The following KIAA0513 variants were observed in gnomAD, a reference collection of about 807,000 sequenced individuals.
The protein encoded by KIAA0513 is KIAA0513.
A neutral mutation model predicts 56.5 loss-of-function variants in KIAA0513; 39 were observed. The ratio of observed to expected loss-of-function variants is 0.69; its 90% CI spans 0.53 to 0.90. The LOEUF (loss-of-function observed/expected upper bound fraction) is 0.90, where lower values mean the gene tolerates loss of function less well. KIAA0513 is among the 40% of genes least tolerant of loss of function. The pLI is 0.00. For synonymous variants in KIAA0513, 268 were observed against 215.6 expected, an observed-to-expected ratio of 1.24 and a Z score of -2.13; for missense variants, 591 against 535.2, an observed-to-expected ratio of 1.10 and a Z score of -1.03.
Position 85,081,491 on chromosome 16 carries a change from T to C in KIAA0513, c.980+99T>C. 1 of 1,071,166 alleles carries C rather than the reference T, an allele frequency of 9.3e-7. No individual in the cohort carries two copies. Among genetic ancestry groups the C allele is most frequent in the Non-Finnish European group, 1.4e-6 (1 of 712,430 alleles). 66.4% of individuals were successfully genotyped at this position (1,071,166 alleles called of 1,614,324 possible). A position where few individuals can be genotyped will look rare whatever the true frequency, so the allele number is the denominator to read the frequency against. ...AGAGGAGAGCAGAAGAGCAGCTGAG[T>C]GGACGTGTCTGTTTTTTCTTCACCC... is the stretch of plus-strand genomic sequence containing the variant. On this transcript the variant is annotated intron_variant, in intron 9 of 12. Transcript: ENST00000683363. The surrounding 1 kb of genome is among the most constrained non-coding windows in gnomAD (Gnocchi z 4.4).
At chr16:85,047,775 C>G (rs1366988451) in intron 1 of KIAA0513, among the ~76,000 whole-genome samples, 1 of 152,224 alleles carries the variant, frequency 6.6e-6, no homozygotes, top group African/African-American at 2.4e-5. Flanking sequence ...CACACTCTTG[C>G]TCGCCTCTGG....
chr16:85,062,432 T>C (rs376990829), intron 1 of KIAA0513, among the ~76,000 whole-genome samples: 1 of 152,262 alleles, frequency 6.6e-6, no homozygotes, highest in East Asian at 1.9e-4. Context: ...CGATGCGAAT[T>C]GCAAAGTGTA....
intron 1 of KIAA0513, among the ~76,000 whole-genome samples, chr16:85,030,217 A>C (rs1292349017): frequency 6.6e-5 from 10 of 152,188 alleles, no homozygotes; most frequent in African/African-American, 2.4e-4. Context: ...ATGATTGCAA[A>C]GAGCGTCTTT....
chr16:85,058,668 A>C (rs1338577840), intron 1 of KIAA0513, among the ~76,000 whole-genome samples: 7 of 148,368 alleles, frequency 4.7e-5, no homozygotes, highest in East Asian at 2.0e-4. Flanking sequence ...AAAAAAAAAA[A>C]CACACAAGAA....
chr16:85,035,980 A>G (rs1164862673), intron 1 of KIAA0513, among the ~76,000 whole-genome samples: 1 of 145,034 alleles, frequency 6.9e-6, no homozygotes, highest in Admixed American at 6.9e-5. Flanking sequence ...CTCCGTCCCA[A>G]AAAAAAAAAA....
chr16:85,074,512 C>A (rs1433528799), intron 4 of KIAA0513, among the ~76,000 whole-genome samples: 6 of 152,182 alleles, frequency 3.9e-5, no homozygotes, highest in African/African-American at 9.7e-5. Context: ...TCTCCTGCTT[C>A]ATGTCTCTCC....
rs59156608 is a variant in KIAA0513, at chr16:85,093,632, T to C, written c.*5307T>C. 0.059 allele frequency: 9,009 copies of C among 152,488 alleles called. 478 individuals are homozygous for C. The highest frequency in any genetic ancestry group is 0.14 in the African/African-American group (5,926 of 41,548). The allele number at this position is 152,488 out of a possible 1,614,324, so 9.4% of individuals were successfully genotyped here. A position where few individuals can be genotyped will look rare whatever the true frequency, so the allele number is the denominator to read the frequency against. The stretch of plus-strand genomic sequence containing the variant: ...AGGTGGGGGACGACCGCATGCACTC[T>C]GGGAGGTGCAGCCCTAAGGGGTGGA... On this transcript the variant is annotated 3_prime_UTR_variant, in exon 13 of 13. Transcript: ENST00000683363.
At chr16:85,068,612 G>A (rs547521923) in intron 2 of KIAA0513, among the ~76,000 whole-genome samples, 14 of 152,224 alleles carry the variant, frequency 9.2e-5, no homozygotes, top group African/African-American at 3.4e-4. Flanking sequence ...GATTACAGGT[G>A]TGAGCCACCA....
At chr16:85,055,399 A>G (rs1454688535) in intron 1 of KIAA0513, among the ~76,000 whole-genome samples, 2 of 152,254 alleles carry the variant, frequency 1.3e-5, no homozygotes, top group African/African-American at 4.8e-5. Flanking sequence ...ATGAAATACA[A>G]TATTTCTAAA....
intron 1 of KIAA0513, among the ~76,000 whole-genome samples, chr16:85,056,173 G>A (rs1341440563): frequency 6.6e-6 from 1 of 152,240 alleles, no homozygotes; most frequent in East Asian, 1.9e-4. Context: ...GCGATGGACG[G>A]CACGACGGTC....
chr16:85,088,598 G>C lies in KIAA0513; in HGVS notation c.*273G>C. The C allele has an allele frequency of 2.1e-6, 1 of 474,376 alleles. No individual in the cohort carries two copies. The highest frequency in any genetic ancestry group is 3.8e-6 in the Non-Finnish European group (1 of 261,154). The allele number at this position is 474,376 out of a possible 1,614,324, so 29.4% of individuals were successfully genotyped here. A position where few individuals can be genotyped will look rare whatever the true frequency, so the allele number is the denominator to read the frequency against. On this transcript the variant is annotated 3_prime_UTR_variant, in exon 13 of 13. Coordinates refer to ENST00000683363, the MANE Select transcript of KIAA0513 (RefSeq NM_001388359.1). Reference sequence around the variant, plus strand: ...TGTACCCCGAGTGCCAGGCTTGTGAGATGAGACCAAGAGGGAGGAGGGGAA... The same window carrying C: ...TGTACCCCGAGTGCCAGGCTTGTGACATGAGACCAAGAGGGAGGAGGGGAA...
intron 1 of KIAA0513, among the ~76,000 whole-genome samples, chr16:85,066,566 G>A (rs1175346402): frequency 6.6e-6 from 1 of 152,178 alleles, no homozygotes; most frequent in Non-Finnish European, 1.5e-5. Flanking sequence ...GATTGTCCCT[G>A]GTGATCCTCC....
At chr16:85,057,069 C>G (rs2073340479) in intron 1 of KIAA0513, among the ~76,000 whole-genome samples, 1 of 152,152 alleles carries the variant, frequency 6.6e-6, no homozygotes, top group South Asian at 2.1e-4. Flanking sequence ...GTCAGTTGTT[C>G]TTGTTTGCGC....
Position 85,071,866 on chromosome 16 carries a change from G to C in KIAA0513, c.413G>C (p.Arg138Pro). ...ENGKGREWFA[R>P]YVSAQRCNSK... Reference sequence around the variant, plus strand: ...GGAAAAGGCCGGGAGTGGTTTGCTCGATACGTGAGTGCCCAGGTAAGGGCG... The same window carrying C: ...GGAAAAGGCCGGGAGTGGTTTGCTCCATACGTGAGTGCCCAGGTAAGGGCG... The change falls in exon 3 of 13, where the codon CGA (arginine) becomes CCA (proline). Residue 138 changes from arginine (R) to proline (P), a missense_variant. Physicochemically the swap from Arg to Pro is moderately radical, Grantham distance 103 (BLOSUM62 -2). Transcript: ENST00000683363. The C allele has an allele frequency of 1.2e-6, 2 of 1,610,944 alleles. No individual in the cohort carries two copies. The highest frequency in any genetic ancestry group is 1.1e-5 in the South Asian group (1 of 91,002).
chr16:85,058,699 AAAAG>A (rs926202940), intron 1 of KIAA0513, among the ~76,000 whole-genome samples: 1 of 152,080 alleles, frequency 6.6e-6, no homozygotes, highest in Non-Finnish European at 1.5e-5. Context: ...AAACAACAAA[AAAAG>A]AAAGAAATGC....
chr16:85,057,123 C>T (rs1178416541), intron 1 of KIAA0513, among the ~76,000 whole-genome samples: 1 of 152,126 alleles, frequency 6.6e-6, no homozygotes. Context: ...TGTTTGTTTG[C>T]GAGTCAGCTG....
At chr16:85,070,768 C>G (rs1352713218) in intron 2 of KIAA0513, among the ~76,000 whole-genome samples, 1 of 152,202 alleles carries the variant, frequency 6.6e-6, no homozygotes, top group African/African-American at 2.4e-5. Flanking sequence ...TTTTGTTTGA[C>G]CAACACTGAG....
At chr16:85,050,795 A>G (rs1460055268) in intron 1 of KIAA0513, among the ~76,000 whole-genome samples, 1 of 152,158 alleles carries the variant, frequency 6.6e-6, no homozygotes, top group African/African-American at 2.4e-5. Context: ...TGAGGAATGT[A>G]TCCCCTGCAC....
In KIAA0513 at chr16:85,067,015, G is replaced by T; in HGVS notation, c.-57G>T. The stretch of plus-strand genomic sequence containing the variant: ...ACGCACCTGGGACACCAGGCTGCTG[G>T]GCTCCCCTCTAGGCAGCCTCCCCTC... On this transcript the variant is annotated 5_prime_UTR_variant, in exon 2 of 13. Coordinates refer to ENST00000683363, the MANE Select transcript of KIAA0513 (RefSeq NM_001388359.1). The T allele has an allele frequency of 6.9e-7, 1 of 1,456,212 alleles. No individual in the cohort carries two copies. 90.2% of individuals were successfully genotyped at this position (1,456,212 alleles called of 1,614,324 possible).
Sources: allele counts gnomAD v4.1 joint callset (sites outside exome capture counted in the v4.1 genomes callset), GRCh38; gene constraint gnomAD v4.1.1; non-coding constraint Gnocchi (gnomAD v3.1); transcripts MANE v1.5; gene names NCBI Gene and HGNC (gene_info 2026-07-23, HGNC 2026-07-21).